Variants in TP53BP2 observed in about 807,000 individuals in gnomAD.
The protein encoded by TP53BP2 is apoptosis-stimulating of p53 protein 2.
A neutral mutation model predicts 126.2 loss-of-function variants in TP53BP2; 62 were observed. That is an observed-to-expected ratio of 0.49 (90% CI 0.40 to 0.61). The LOEUF is 0.61. Among genes scored for constraint, TP53BP2 ranks in the 20% least tolerant of loss-of-function variants. The pLI, the probability that TP53BP2 is intolerant of heterozygous loss-of-function variation, is 0.00. For missense variants in TP53BP2, 1,215 were observed against 1,402.8 expected, an observed-to-expected ratio of 0.87 and a Z score of 2.14; for synonymous variants, 485 against 502.9, an observed-to-expected ratio of 0.96 and a Z score of 0.48.
At chr1:223,843,984 C>T (rs1235839776) in intron 1 of TP53BP2, among the ~76,000 whole-genome samples, 2 of 152,202 alleles carry the variant, frequency 1.3e-5, no homozygotes, top group African/African-American at 4.8e-5. Flanking sequence ...ACTAATCACA[C>T]TTCCTTCATA....
intron 1 of TP53BP2, among the ~76,000 whole-genome samples, chr1:223,837,187 G>A (rs1201316894): frequency 6.7e-6 from 1 of 149,720 alleles, no homozygotes; most frequent in Non-Finnish European, 1.5e-5. Flanking sequence ...GAACTTTTAG[G>A]TTGAAGCATC....
At chr1:223,783,467 T>C (rs1340814167) in intron 17 of TP53BP2, among the ~76,000 whole-genome samples, 1 of 152,204 alleles carries the variant, frequency 6.6e-6, no homozygotes, top group Non-Finnish European at 1.5e-5. Context: ...CCCTGATCAT[T>C]TCTCTCACTC....
chr1:223,804,422 A>G, intron 5 of TP53BP2, 74 bp from the exon 6 acceptor site: 3 of 1,363,190 alleles, frequency 2.2e-6, no homozygotes, highest in Non-Finnish European at 3.1e-6. Context: ...GCCTAACTGC[A>G]ACACTTAGAT....
chr1:223,812,358 G>A (rs545582346), intron 3 of TP53BP2, among the ~76,000 whole-genome samples: 5 of 152,190 alleles, frequency 3.3e-5, no homozygotes, highest in South Asian at 2.1e-4. Flanking sequence ...AGACACTTGC[G>A]TTAATGCAAC....
At position 223,812,461 on chromosome 1, in the gene TP53BP2, C is replaced by T. The variant is rs551211244; in HGVS notation, c.289+1779G>A. ...CAAATGGTGTGATCTCGGCTCACTG[C>T]AACATCCGCCTCCCGGGTTCAAGCG... is the stretch of plus-strand genomic sequence containing the variant. On this transcript the variant is annotated intron_variant, in intron 3 of 17. Transcript: ENST00000343537. 1.2e-4 allele frequency among the ~76,000 whole-genome samples: 18 copies of T among 152,312 alleles called. No homozygotes were observed. The South Asian group carries it at 3.7e-3, about 32-fold the overall frequency.
intron 16 of TP53BP2, among the ~76,000 whole-genome samples, chr1:223,787,478 G>A (rs1365322291): frequency 3.3e-5 from 5 of 152,038 alleles, no homozygotes; most frequent in Admixed American, 2.6e-4. Flanking sequence ...TGGGCATGGT[G>A]GCTCACACCT....
chr1:223,796,060 T>C lies in TP53BP2; in HGVS notation c.2479A>G (p.Ser827Gly). 9 of 1,614,188 alleles carry C rather than the reference T, an allele frequency of 5.6e-6. No homozygotes were observed. Among genetic ancestry groups the C allele is most frequent in the Non-Finnish European group, 7.6e-6 (9 of 1,180,028 alleles). The stretch of plus-strand genomic sequence containing the variant: ...CCTGGAGAAGGAGCTGGCATGTCAC[T>C]GTTCTCTGTACTGGCATTCCCCACA... ...EDVGNASTEN[S>G]DMPAPSPGLD... is the part of the protein sequence containing the mutation. Residue 827 changes from serine to glycine, a missense_variant, in exon 13 of 18, where the codon AGT becomes GGT. By Grantham distance (56) the Ser-to-Gly change is moderately conservative. This residue lies in a region of TP53BP2 where 204 missense variants were observed against 225.7 expected (regional missense o/e 0.90). Coordinates refer to ENST00000343537, the MANE Select transcript of TP53BP2 (RefSeq NM_001031685.3). The surrounding 1 kb of genome is among the most constrained non-coding windows in gnomAD (Gnocchi z 4.2).
intron 5 of TP53BP2, among the ~76,000 whole-genome samples, chr1:223,805,497 A>G (rs1309960994): frequency 1.3e-5 from 2 of 152,210 alleles, no homozygotes; most frequent in Non-Finnish European, 2.9e-5. Context: ...AAGGTTTGAG[A>G]AGCAATGATA....
chr1:223,783,791 C>T (rs546856869), intron 17 of TP53BP2, among the ~76,000 whole-genome samples: 1 of 152,266 alleles, frequency 6.6e-6, no homozygotes, highest in Non-Finnish European at 1.5e-5. Flanking sequence ...AAGCTCTCTA[C>T]CAGATTTGCA....
At chr1:223,820,000 T>G (rs1368227662) in intron 2 of TP53BP2, among the ~76,000 whole-genome samples, 2 of 152,214 alleles carry the variant, frequency 1.3e-5, no homozygotes, top group Non-Finnish European at 2.9e-5. Flanking sequence ...ACGGGCCTTC[T>G]GCAGAGGATT....
intron 1 of TP53BP2, among the ~76,000 whole-genome samples, chr1:223,825,127 C>T (rs1314670222): frequency 6.6e-6 from 1 of 152,018 alleles, no homozygotes; most frequent in East Asian, 1.9e-4. Context: ...ATTTATTTAA[C>T]TCATTTTTAT....
At chr1:223,787,045 G>A (rs188833460) in intron 16 of TP53BP2, among the ~76,000 whole-genome samples, 7 of 152,144 alleles carry the variant, frequency 4.6e-5, no homozygotes, top group East Asian at 1.9e-4. Flanking sequence ...ACAGGTGCCC[G>A]CCACCACAGC....
At chr1:223,797,271 T>A (rs1448792840) in intron 12 of TP53BP2, among the ~76,000 whole-genome samples, 2 of 152,180 alleles carry the variant, frequency 1.3e-5, no homozygotes, top group Non-Finnish European at 2.9e-5. Flanking sequence ...TCTAGTCCTA[T>A]GAAGTAATAA....
chr1:223,844,716 G>A (rs1046493528), intron 1 of TP53BP2, among the ~76,000 whole-genome samples: 8 of 152,092 alleles, frequency 5.3e-5, no homozygotes, highest in African/African-American at 1.9e-4. Context: ...CCAGGGAACA[G>A]CATATTATAC....
intron 2 of TP53BP2, among the ~76,000 whole-genome samples, chr1:223,819,305 T>C (rs971562560): frequency 6.6e-6 from 1 of 151,608 alleles, no homozygotes; most frequent in Admixed American, 6.6e-5. Flanking sequence ...AGGAACAGAG[T>C]ACAGCCCTGG....
rs1471229344 is a variant in TP53BP2 at position 223,844,056 on chromosome 1, T to C, written c.27+1598A>G. ...AGTACTATTATCCCCATTTTACAGA[T>C]GATGAAACTGAGGGACAAGTTTTTT... On this transcript the variant is annotated intron_variant, in intron 1 of 17. Coordinates refer to ENST00000343537, the MANE Select transcript of TP53BP2 (RefSeq NM_001031685.3). Among the ~76,000 whole-genome samples the C allele has an allele frequency of 3.3e-5, 5 of 152,148 alleles. No homozygotes were observed. In the South Asian group the frequency reaches 6.2e-4, roughly 19 times the overall value.
At chr1:223,807,168 A>G (rs886777482) in intron 4 of TP53BP2, among the ~76,000 whole-genome samples, 3 of 152,220 alleles carry the variant, frequency 2.0e-5, no homozygotes, top group African/African-American at 7.2e-5. Context: ...ATATACAATA[A>G]TCTTTTATTT....
intron 13 of TP53BP2, among the ~76,000 whole-genome samples, chr1:223,795,478 G>C (rs570805987): frequency 6.6e-6 from 1 of 152,282 alleles, no homozygotes; most frequent in South Asian, 2.1e-4. Flanking sequence ...ACACAGCTAA[G>C]CTAGTAATCA....
rs752808497 is a variant in TP53BP2 at position 223,845,656 on chromosome 1, G to T, written c.25C>A (p.Pro9Thr). The T allele has an allele frequency of 1.9e-6, 3 of 1,554,964 alleles. No homozygotes were observed. The highest frequency in any genetic ancestry group is 2.6e-5 in the East Asian group (1 of 38,810). Residue 9 changes from proline (P) to threonine (T), a missense_variant and splice_region_variant, in exon 1 of 18, where the codon CCG (proline) becomes ACG (threonine). Pro to Thr is a conservative substitution (Grantham distance 38, BLOSUM62 -1). Coordinates refer to ENST00000343537, the MANE Select transcript of TP53BP2 (RefSeq NM_001031685.3). MRFGSKMMPMFLTVYLSNN... is the reference protein window; with the variant it reads MRFGSKMMTMFLTVYLSNN... ...GCCCTGGCCGCTCGCCCACTTACCG[G>T]CATCATCTTGGACCCGAACCGCATG...
Sources: allele counts gnomAD v4.1 joint callset (sites outside exome capture counted in the v4.1 genomes callset), GRCh38; gene constraint gnomAD v4.1.1; regional missense constraint gnomAD v4.1.1; non-coding constraint Gnocchi (gnomAD v3.1); transcripts MANE v1.5; gene names NCBI Gene and HGNC (gene_info 2026-07-23, HGNC 2026-07-21).